SLC23A2: variants seen among roughly 807,000 people sequenced by gnomAD.
SLC23A2 encodes Na(+)/L-ascorbic acid transporter 2.
Under a neutral mutation model 73.3 loss-of-function variants are expected in SLC23A2, and 36 were observed. The observed-to-expected ratio is 0.49, with a 90% CI of 0.38 to 0.65. SLC23A2 has a LOEUF of 0.65. Among genes scored for constraint, SLC23A2 ranks in the 30% least tolerant of loss-of-function variants. SLC23A2 has a pLI of 0.00. For synonymous variants in SLC23A2, 343 were observed against 327.3 expected (o/e 1.05, Z -0.52); for missense variants, 507 against 841.6 (o/e 0.60, Z 4.92).
chr20:4,865,682 T>C (rs1253260170), intron 13 of SLC23A2, among the ~76,000 whole-genome samples: 1 of 152,066 alleles, frequency 6.6e-6, no homozygotes. Context: ...CAGTCGTCCC[T>C]AGGGAACCTT....
chr20:4,857,182 G>T lies in SLC23A2; in HGVS notation c.1743C>A (p.Ile581=), dbSNP rs757660747. Residue 581 remains isoleucine (I), a synonymous_variant, in exon 17 of 17, where the codon ATC becomes ATA. Transcript: ENST00000338244. This position sits in a 1 kb window ranked among gnomAD's most constrained non-coding sequence, Gnocchi z 4.0. ...TIPGTPEERG[I]RKWKKGVGKG... ...TGCCCACACCCTTCTTCCATTTCCG[G>T]ATTCCTCTTTCCTCTGGAGTGCCTG... 1.9e-6 allele frequency: 3 copies of T among 1,607,424 alleles called. No individual in the cohort carries two copies. Among genetic ancestry groups the T allele is most frequent in the Non-Finnish European group, 2.6e-6 (3 of 1,175,624 alleles).
chr20:4,895,651 T>C (rs1931490603), intron 6 of SLC23A2, among the ~76,000 whole-genome samples: 2 of 152,198 alleles, frequency 1.3e-5, no homozygotes, highest in African/African-American at 4.8e-5. Context: ...AAGGTCATAA[T>C]GCCACATGCT....
chr20:4,983,746 C>T (rs1216895243), intron 1 of SLC23A2, among the ~76,000 whole-genome samples: 16 of 150,858 alleles, frequency 1.1e-4, no homozygotes, highest in Admixed American at 6.0e-4. Context: ...CACCTGAGGT[C>T]GGGAGTTCGA....
At chr20:4,948,785 A>G (rs1416558840) in intron 2 of SLC23A2, among the ~76,000 whole-genome samples, 2 of 152,226 alleles carry the variant, frequency 1.3e-5, no homozygotes, top group Non-Finnish European at 2.9e-5. Context: ...CAGAGACTGC[A>G]ATCACTTAGA....
chr20:4,996,777 A>G (rs2088029986), intron 1 of SLC23A2, among the ~76,000 whole-genome samples: 1 of 151,644 alleles, frequency 6.6e-6, no homozygotes, highest in African/African-American at 2.4e-5. Context: ...TAAGGATGGA[A>G]TTTCCATAGA....
intron 4 of SLC23A2, among the ~76,000 whole-genome samples, chr20:4,903,774 A>G (rs1931835828): frequency 6.6e-6 from 1 of 152,220 alleles, no homozygotes; most frequent in Non-Finnish European, 1.5e-5. Flanking sequence ...GCAAATTTAC[A>G]TTGTGTTGAA....
chr20:4,965,276 G>A (rs543764722), intron 2 of SLC23A2, among the ~76,000 whole-genome samples: 4 of 152,214 alleles, frequency 2.6e-5, no homozygotes, highest in African/African-American at 9.6e-5. Context: ...GTGGTCAAAA[G>A]GTAAGCGCTC....
Position 4,862,902 on chromosome 20 carries a change from G to A in SLC23A2, c.1362C>T (p.Gly454=). Residue 454 remains glycine, a synonymous_variant, in exon 14 of 17, where the codon GGC becomes GGT. Coordinates refer to ENST00000338244, the MANE Select transcript of SLC23A2 (RefSeq NM_005116.6). This position sits in a 1 kb window ranked among gnomAD's most constrained non-coding sequence, Gnocchi z 5.1. ...CTCCGCACTGTATCACGCGGCGGCT[G>A]CCGACCTGCAGAACACACAGGAGAC... ...NIGVLGITKV[G]SRRVIQCGAA... is the part of the protein sequence containing the mutation. The A allele has an allele frequency of 6.2e-7, 1 of 1,610,024 alleles. No individual in the cohort carries two copies. The highest frequency in any genetic ancestry group is 8.5e-7 in the Non-Finnish European group (1 of 1,177,282).
intron 2 of SLC23A2, among the ~76,000 whole-genome samples, chr20:4,961,973 A>C (rs1271246489): frequency 6.6e-6 from 1 of 152,106 alleles, no homozygotes; most frequent in East Asian, 1.9e-4. Context: ...GCCCTTATGC[A>C]AGGCAGCATG....
rs2122789130 is a variant in SLC23A2 at position 4,868,560 on chromosome 20, G to A, written c.1251-685C>T. On this transcript the variant is annotated intron_variant, in intron 12 of 16. Transcript: ENST00000338244. The surrounding 1 kb of genome is among the most constrained non-coding windows in gnomAD (Gnocchi z 4.4). ...CCGTCTATGGAAATAAAACATTGAT[G>A]TGATCCTTTACTCTTAAAATCCAGT... 6.6e-6 allele frequency among the ~76,000 whole-genome samples: 1 copy of A among 152,332 alleles called. No homozygotes were observed. Among genetic ancestry groups the A allele is most frequent in the East Asian group, 1.9e-4 (1 of 5,190 alleles).
At chr20:4,989,040 A>G (rs1311042396) in intron 1 of SLC23A2, among the ~76,000 whole-genome samples, 15 of 151,878 alleles carry the variant, frequency 9.9e-5, no homozygotes, top group Admixed American at 9.8e-4. Context: ...GGAGTTCGAG[A>G]CCAGCCTGAC....
At chr20:4,945,768 A>G (rs1431569927) in intron 2 of SLC23A2, among the ~76,000 whole-genome samples, 3 of 152,168 alleles carry the variant, frequency 2.0e-5, no homozygotes, top group Non-Finnish European at 2.9e-5. Flanking sequence ...GGTCAGGGGA[A>G]AAGAGTCTGC....
chr20:4,932,185 C>T (rs551198705), intron 3 of SLC23A2, among the ~76,000 whole-genome samples: 1 of 152,286 alleles, frequency 6.6e-6, no homozygotes, highest in South Asian at 2.1e-4. Flanking sequence ...CTTCAACATC[C>T]TCCAGGACAC....
chr20:4,874,109 G>A lies in SLC23A2; in HGVS notation c.946-17C>T, dbSNP rs1568605141. ...CAGGATGATCTGGAGTGGTCAAGGG[G>A]AAGCTCTGTCAGGCCAGCAGGGCTC... On this transcript the variant is annotated splice_polypyrimidine_tract_variant and intron_variant, in intron 10 of 16. Coordinates refer to ENST00000338244, the MANE Select transcript of SLC23A2 (RefSeq NM_005116.6). The A allele has an allele frequency of 1.2e-6, 2 of 1,608,122 alleles. No individual in the cohort carries two copies. Among genetic ancestry groups the A allele is most frequent in the Non-Finnish European group, 1.7e-6 (2 of 1,177,710 alleles).
intron 11 of SLC23A2, among the ~76,000 whole-genome samples, chr20:4,870,344 C>T (rs143917280): frequency 0.018 from 2,775 of 152,090 alleles, 103 homozygotes; most frequent in African/African-American, 0.063. Flanking sequence ...TTTGGGAGGC[C>T]GAGGCAGGCA....
intron 7 of SLC23A2, among the ~76,000 whole-genome samples, chr20:4,885,383 C>T (rs572576420): frequency 1.3e-5 from 2 of 152,216 alleles, no homozygotes; most frequent in East Asian, 3.9e-4. Context: ...TTTGCAATCA[C>T]TAAAGAAGGG....
Position 4,876,243 on chromosome 20 carries a change from A to G in SLC23A2, c.825-1547T>C, listed in dbSNP as rs530732230. Among the ~76,000 whole-genome samples the G allele has an allele frequency of 3.9e-5, 6 of 152,326 alleles. No homozygotes were observed. In the East Asian group the frequency reaches 7.7e-4, roughly 20 times the overall value. The stretch of plus-strand genomic sequence containing the variant: ...TATTTGTTTCAGAGTGAATATTAGG[A>G]GATCCAAAGATGCCCCAGGCCTGCT... On this transcript the variant is annotated intron_variant, in intron 9 of 16. Transcript: ENST00000338244.
chr20:4,875,718 G>A (rs909364963), intron 9 of SLC23A2, among the ~76,000 whole-genome samples: 1 of 152,168 alleles, frequency 6.6e-6, no homozygotes, highest in African/African-American at 2.4e-5. Context: ...CATCCCCCAG[G>A]TGGATTTTTA....
In SLC23A2 at chr20:4,866,271, C is replaced by T. The variant is rs1047206837; in HGVS notation, c.1356+1499G>A. On this transcript the variant is annotated intron_variant, in intron 13 of 16. Transcript: ENST00000338244. Reference sequence around the variant, plus strand: ...AAAGTTTGTACATGCTCACCCAGAACAGTACAGAAACAAACAATATTAGTT... The same window carrying T: ...AAAGTTTGTACATGCTCACCCAGAATAGTACAGAAACAAACAATATTAGTT... 2.0e-5 allele frequency among the ~76,000 whole-genome samples: 3 copies of T among 152,270 alleles called. No homozygotes were observed. The East Asian group carries it at 5.8e-4, about 29-fold the overall frequency.
Sources: gnomAD v4.1 joint callset for allele counts (sites outside exome capture counted in the v4.1 genomes callset) on GRCh38, gnomAD v4.1.1 for gene constraint, Gnocchi (gnomAD v3.1) non-coding constraint, MANE v1.5 for transcripts, NCBI Gene and HGNC (gene_info 2026-07-23, HGNC 2026-07-21) for gene names.